Variants in CNTN4 observed in about 807,000 individuals in gnomAD.
CNTN4 encodes contactin-4.
A neutral mutation model predicts 122.5 loss-of-function variants in CNTN4; 77 were observed. The ratio of observed to expected loss-of-function variants is 0.63; its 90% CI spans 0.52 to 0.76. The LOEUF (loss-of-function observed/expected upper bound fraction) is 0.76, where lower values mean the gene tolerates loss of function less well. CNTN4 is among the 30% of genes least tolerant of loss of function. CNTN4 has a pLI of 0.00. For missense variants in CNTN4, 1,256 were observed against 1,259.1 expected (o/e 1.00, Z 0.04); for synonymous variants, 512 against 447.0 (o/e 1.15, Z -1.83).
At chr3:2,858,379 C>G (rs2093637836) in intron 7 of CNTN4, among the ~76,000 whole-genome samples, 1 of 152,182 alleles carries the variant, frequency 6.6e-6, no homozygotes, top group Non-Finnish European at 1.5e-5. Context: ...TGTTGTATCA[C>G]TCAGACTGCT....
chr3:2,154,778 C>T (rs1204201236), intron 2 of CNTN4, among the ~76,000 whole-genome samples: 2 of 152,186 alleles, frequency 1.3e-5, no homozygotes, highest in African/African-American at 2.4e-5. Context: ...ACTCCCAATT[C>T]GTGGGAAGAG....
chr3:2,834,392 C>G (rs937193839), intron 7 of CNTN4, among the ~76,000 whole-genome samples: 1 of 151,966 alleles, frequency 6.6e-6, no homozygotes. Context: ...TGGTGAAACC[C>G]CATCTCTACT....
At chr3:3,009,493 G>C (rs1429535628) in intron 14 of CNTN4, among the ~76,000 whole-genome samples, 2 of 151,694 alleles carry the variant, frequency 1.3e-5, no homozygotes, top group African/African-American at 2.4e-5. Flanking sequence ...GAGTGCAGTG[G>C]CGCGATCTCA....
rs1200385925 is a variant in CNTN4 at position 2,368,328 on chromosome 3, G to A, written c.-89+29095G>A. 9.2e-5 allele frequency among the ~76,000 whole-genome samples: 14 copies of A among 152,150 alleles called. 2 individuals carry two copies. In the Middle Eastern group the frequency reaches 0.014, roughly 148 times the overall value. Reference sequence around the variant, plus strand: ...ATTACAGGCGTGAGCCACAGAGCCTGGCCTCTTTTTTTGTTTTAACCTCTC... The same window carrying A: ...ATTACAGGCGTGAGCCACAGAGCCTAGCCTCTTTTTTTGTTTTAACCTCTC... On this transcript the variant is annotated intron_variant, in intron 3 of 24. Transcript: ENST00000418658.
intron 2 of CNTN4, among the ~76,000 whole-genome samples, chr3:2,178,389 G>C (rs1343746860): frequency 6.6e-6 from 1 of 151,908 alleles, no homozygotes; most frequent in African/African-American, 2.4e-5. Context: ...AAGTGTGATA[G>C]GCATCCTACC....
intron 7 of CNTN4, among the ~76,000 whole-genome samples, chr3:2,830,119 C>T (rs6801379): frequency 0.014 from 2,122 of 152,208 alleles, 30 homozygotes; most frequent in African/African-American, 0.03. Flanking sequence ...TTTGTGCAAA[C>T]GTTTCTATGT....
intron 4 of CNTN4, among the ~76,000 whole-genome samples, chr3:2,579,961 C>G (rs1470576040): frequency 6.6e-6 from 1 of 152,018 alleles, no homozygotes; most frequent in Non-Finnish European, 1.5e-5. Flanking sequence ...TACAGCACAT[C>G]TGGACCTTAT....
chr3:2,416,710 GT>G (rs1027277990), intron 3 of CNTN4, among the ~76,000 whole-genome samples: 49 of 152,064 alleles, frequency 3.2e-4, no homozygotes, highest in African/African-American at 1.2e-3. Context: ...CTGGAGTGCA[GT>G]GGTGTGATCT....
chr3:2,374,967 A>G (rs934088188), intron 3 of CNTN4, among the ~76,000 whole-genome samples: 14 of 152,168 alleles, frequency 9.2e-5, no homozygotes, highest in African/African-American at 3.4e-4. Flanking sequence ...CCTATTACTT[A>G]TTTTAGCAAA....
chr3:2,913,528 A>G (rs2094323502), intron 12 of CNTN4, among the ~76,000 whole-genome samples: 1 of 152,214 alleles, frequency 6.6e-6, no homozygotes, highest in African/African-American at 2.4e-5. Flanking sequence ...AATATCAGAC[A>G]AAATAAACTT....
chr3:2,581,557 C>G (rs142948918), intron 4 of CNTN4, among the ~76,000 whole-genome samples: 6 of 152,238 alleles, frequency 3.9e-5, no homozygotes, highest in African/African-American at 1.2e-4. Context: ...TTTAACACAT[C>G]CCCTTTAAGA....
At chr3:2,765,252 C>G (rs1046592603) in intron 6 of CNTN4, among the ~76,000 whole-genome samples, 6 of 152,050 alleles carry the variant, frequency 3.9e-5, no homozygotes, top group Non-Finnish European at 8.8e-5. Context: ...TATCACCACT[C>G]GTACTTGTCG....
chr3:2,860,282 A>C lies in CNTN4; in HGVS notation c.455-6470A>C, dbSNP rs927652933. 5.3e-5 allele frequency among the ~76,000 whole-genome samples: 8 copies of C among 152,354 alleles called. No individual in the cohort carries two copies. The East Asian group carries it at 1.5e-3, about 29-fold the overall frequency. ...AATTGCCTGAAACACTGTACTGAGA[A>C]TGATTCTCAGTCTGTGTCTGGCAGA... is the stretch of plus-strand genomic sequence containing the variant. On this transcript the variant is annotated intron_variant, in intron 7 of 24. Coordinates refer to ENST00000418658, the MANE Select transcript of CNTN4 (RefSeq NM_175607.3).
At chr3:2,733,506 AT>A (rs1055509786) in intron 4 of CNTN4, among the ~76,000 whole-genome samples, 11 of 142,556 alleles carry the variant, frequency 7.7e-5, no homozygotes, top group South Asian at 2.2e-4. Context: ...TTAAACACAA[AT>A]TTTTTTTTTA....
In CNTN4 at chr3:2,709,381, A is replaced by G. The variant is rs545905899; in HGVS notation, c.56-26834A>G. 7.3e-4 allele frequency among the ~76,000 whole-genome samples: 111 copies of G among 152,022 alleles called. No individual in the cohort carries two copies. The highest frequency in any genetic ancestry group is 3.4e-3 in the Admixed American group (52 of 15,282). ...TGATGCGTAGGTCTCACGCCTGGTT[A>G]GGATTTGATTGGTAAGGGTACAACC... is the stretch of plus-strand genomic sequence containing the variant. On this transcript the variant is annotated intron_variant, in intron 4 of 24. Coordinates refer to ENST00000418658, the MANE Select transcript of CNTN4 (RefSeq NM_175607.3). The surrounding 1 kb of genome is among the most constrained non-coding windows in gnomAD (Gnocchi z 5.0).
At chr3:2,595,179 A>G (rs1289665093) in intron 4 of CNTN4, among the ~76,000 whole-genome samples, 2 of 152,226 alleles carry the variant, frequency 1.3e-5, no homozygotes, top group African/African-American at 4.8e-5. Context: ...AATGTTGGCT[A>G]ATATTACACA....
intron 3 of CNTN4, among the ~76,000 whole-genome samples, chr3:2,515,894 C>T (rs2149105614): frequency 6.6e-6 from 1 of 150,578 alleles, no homozygotes; most frequent in African/African-American, 2.5e-5. Context: ...TAATATTTTA[C>T]TGTACAGTTG....
intron 7 of CNTN4, among the ~76,000 whole-genome samples, chr3:2,856,910 A>G (rs1020138803): frequency 8.5e-5 from 13 of 152,238 alleles, no homozygotes; most frequent in Admixed American, 1.3e-4. Context: ...AAGGAAGGAC[A>G]TGACTCAAAG....
intron 12 of CNTN4, among the ~76,000 whole-genome samples, chr3:2,904,187 C>T (rs986480393): frequency 1.3e-5 from 2 of 152,164 alleles, no homozygotes; most frequent in Non-Finnish European, 2.9e-5. Flanking sequence ...TAGTCATTCT[C>T]CTTGGTGAGA....
Sources: gnomAD v4.1 joint callset for allele counts (sites outside exome capture counted in the v4.1 genomes callset) on GRCh38, gnomAD v4.1.1 for gene constraint, Gnocchi (gnomAD v3.1) non-coding constraint, MANE v1.5 for transcripts, NCBI Gene and HGNC (gene_info 2026-07-23, HGNC 2026-07-21) for gene names.